The following PTPRT variants were observed in gnomAD, a reference collection of about 807,000 sequenced individuals.
The protein encoded by PTPRT is receptor-type tyrosine-protein phosphatase T.
A neutral mutation model predicts 176.8 loss-of-function variants in PTPRT; 56 were observed. The ratio of observed to expected loss-of-function variants is 0.32; its 90% CI spans 0.26 to 0.40. The LOEUF (loss-of-function observed/expected upper bound fraction) is 0.40. Among genes scored for constraint, PTPRT ranks in the 10% least tolerant of loss-of-function variants. The pLI, the probability that PTPRT is intolerant of heterozygous loss-of-function variation, is 1.00. For missense variants in PTPRT, 1,540 were observed against 1,908.2 expected, an observed-to-expected ratio of 0.81 and a Z score of 3.60; for synonymous variants, 783 against 739.0, an observed-to-expected ratio of 1.06 and a Z score of -0.96.
intron 2 of PTPRT, among the ~76,000 whole-genome samples, chr20:42,807,568 A>T (rs1423935421): frequency 6.6e-6 from 1 of 151,878 alleles, no homozygotes; most frequent in African/African-American, 2.4e-5. Context: ...TATTTTTTTT[A>T]CCACCTACAC....
At chr20:43,065,083 C>A (rs948034451) in intron 1 of PTPRT, among the ~76,000 whole-genome samples, 4 of 152,296 alleles carry the variant, frequency 2.6e-5, no homozygotes, top group Middle Eastern at 3.4e-3. Context: ...AAGGAAACTC[C>A]AAAAGAAGAA....
rs149105313 is a variant in PTPRT, at chr20:42,327,919, T to G, written c.1866-11923A>C. Among the ~76,000 whole-genome samples, 209 of 152,090 alleles carry G rather than the reference T, an allele frequency of 1.4e-3. 1 individual carries two copies. Among genetic ancestry groups the G allele is most frequent in the African/African-American group, 4.8e-3 (198 of 41,538 alleles). ...ATATTTTAATATTTTAAAAATCATA[T>G]CAGGTACAGCGGATAAAAATGACAA... On this transcript the variant is annotated intron_variant, in intron 11 of 30. Coordinates refer to ENST00000373187, the MANE Select transcript of PTPRT (RefSeq NM_007050.6).
In PTPRT at chr20:43,189,897, G is replaced by C. The variant is rs908278198; in HGVS notation, c.-164C>G. Reference sequence around the variant, plus strand: ...GCTCCTGCGTTCCAAGCCGAGGCGCGGCGCGAACTGAGGCGGGAGGCTGGG... The same window carrying C: ...GCTCCTGCGTTCCAAGCCGAGGCGCCGCGCGAACTGAGGCGGGAGGCTGGG... On this transcript the variant is annotated 5_prime_UTR_variant, in exon 1 of 31. Coordinates refer to ENST00000373187, the MANE Select transcript of PTPRT (RefSeq NM_007050.6). The surrounding 1 kb of genome is among the most constrained non-coding windows in gnomAD (Gnocchi z 5.0). The C allele has an allele frequency of 1.9e-3, 327 of 167,908 alleles. No homozygotes were observed. The highest frequency in any genetic ancestry group is 7.5e-3 in the African/African-American group (310 of 41,104). 10.4% of individuals were successfully genotyped at this position (167,908 alleles called of 1,614,324 possible).
chr20:43,035,661 C>T (rs201896992), intron 1 of PTPRT, among the ~76,000 whole-genome samples: 1 of 152,270 alleles, frequency 6.6e-6, no homozygotes, highest in East Asian at 1.9e-4. Context: ...ACAAAGGTAA[C>T]TACTGAGACC....
chr20:42,749,022 G>A (rs973652001), intron 6 of PTPRT, among the ~76,000 whole-genome samples: 4 of 152,130 alleles, frequency 2.6e-5, no homozygotes, highest in African/African-American at 7.2e-5. Flanking sequence ...AACGCCATGT[G>A]CCTTTTATCT....
At chr20:43,070,256 A>C (rs2011162842) in intron 1 of PTPRT, among the ~76,000 whole-genome samples, 1 of 152,166 alleles carries the variant, frequency 6.6e-6, no homozygotes, top group South Asian at 2.1e-4. Flanking sequence ...AAAGAAATGC[A>C]AATCAAAACC....
chr20:42,860,210 C>G (rs1248910816), intron 2 of PTPRT, among the ~76,000 whole-genome samples: 1 of 151,950 alleles, frequency 6.6e-6, no homozygotes, highest in African/African-American at 2.4e-5. Context: ...TGCATGCATT[C>G]ACACACACAC....
At chr20:42,906,306 C>T (rs887969691) in intron 1 of PTPRT, among the ~76,000 whole-genome samples, 1 of 152,120 alleles carries the variant, frequency 6.6e-6, no homozygotes, top group Non-Finnish European at 1.5e-5. Flanking sequence ...AGAATTTGGC[C>T]GGGGCGGTCA....
At chr20:42,434,203 G>A (rs548969554) in intron 9 of PTPRT, among the ~76,000 whole-genome samples, 1 of 152,142 alleles carries the variant, frequency 6.6e-6, no homozygotes, top group South Asian at 2.1e-4. Flanking sequence ...ATATACTATT[G>A]TTATATTGTC....
chr20:42,848,845 T>A (rs1272117535), intron 2 of PTPRT, among the ~76,000 whole-genome samples: 1 of 152,228 alleles, frequency 6.6e-6, no homozygotes, highest in Non-Finnish European at 1.5e-5. Flanking sequence ...TCTTTGTTTT[T>A]GTCGAATTTG....
chr20:42,147,347 T>C (rs773933507), intron 17 of PTPRT, among the ~76,000 whole-genome samples: 45 of 152,232 alleles, frequency 3.0e-4, no homozygotes, highest in Non-Finnish European at 5.9e-4. Context: ...TCCAAGCAGC[T>C]GATAAGTGGA....
At chr20:42,419,855 G>C (rs921102642) in intron 9 of PTPRT, among the ~76,000 whole-genome samples, 2 of 152,156 alleles carry the variant, frequency 1.3e-5, no homozygotes, top group African/African-American at 4.8e-5. Context: ...CTTATAAAGA[G>C]CAGAGGAGAG....
At chr20:42,175,628 TA>T (rs557683397) in intron 16 of PTPRT, among the ~76,000 whole-genome samples, 57 of 152,152 alleles carry the variant, frequency 3.7e-4, no homozygotes, top group Middle Eastern at 3.4e-3. Flanking sequence ...GTTGAACTCA[TA>T]AAATGGAAAA....
chr20:42,629,501 T>A (rs915149239), intron 7 of PTPRT, among the ~76,000 whole-genome samples: 4 of 152,150 alleles, frequency 2.6e-5, no homozygotes, highest in African/African-American at 9.7e-5. Context: ...CACAATGGGA[T>A]CTGGTGGCAA....
At chr20:43,047,893 A>G (rs1376009685) in intron 1 of PTPRT, among the ~76,000 whole-genome samples, 1 of 152,164 alleles carries the variant, frequency 6.6e-6, no homozygotes, top group Non-Finnish European at 1.5e-5. Flanking sequence ...AGTCACACCA[A>G]TGTAAGTGGA....
intron 1 of PTPRT, among the ~76,000 whole-genome samples, chr20:43,020,672 A>C (rs763140159): frequency 6.6e-6 from 1 of 152,162 alleles, no homozygotes; most frequent in Non-Finnish European, 1.5e-5. Context: ...GGAATCTGAG[A>C]TACCGCTCCC....
At chr20:43,048,168 T>C (rs1986908156) in intron 1 of PTPRT, among the ~76,000 whole-genome samples, 1 of 152,002 alleles carries the variant, frequency 6.6e-6, no homozygotes. Flanking sequence ...GGGAGTTGGC[T>C]GGGCAGAGGG....
chr20:42,220,463 G>A (rs933197805), intron 15 of PTPRT, among the ~76,000 whole-genome samples: 1 of 152,148 alleles, frequency 6.6e-6, no homozygotes, highest in African/African-American at 2.4e-5. Flanking sequence ...TGTAATCCCA[G>A]CACTTTGGGA....
chr20:42,329,110 T>C (rs1250085480), intron 11 of PTPRT, among the ~76,000 whole-genome samples: 1 of 152,022 alleles, frequency 6.6e-6, no homozygotes, highest in Non-Finnish European at 1.5e-5. Flanking sequence ...ATGGATGGAG[T>C]CTACATGAGA....
Sources: gnomAD v4.1 joint callset for allele counts (sites outside exome capture counted in the v4.1 genomes callset) on GRCh38, gnomAD v4.1.1 for gene constraint, Gnocchi (gnomAD v3.1) non-coding constraint, MANE v1.5 for transcripts, NCBI Gene and HGNC (gene_info 2026-07-23, HGNC 2026-07-21) for gene names.